The following AK8 variants were observed in gnomAD, a reference collection of about 807,000 sequenced individuals.
AK8 encodes the protein adenylate kinase 8, also known as ATP-AMP transphosphorylase 8.
Under a neutral mutation model 54.6 loss-of-function variants are expected in AK8, and 44 were observed. The ratio of observed to expected loss-of-function variants is 0.81; its 90% CI spans 0.63 to 1.04. The LOEUF (loss-of-function observed/expected upper bound fraction) is 1.04. Ranked by LOEUF, AK8 falls within the 50% of genes least tolerant of loss-of-function variation. AK8 has a pLI of 0.00. For synonymous variants in AK8, 239 were observed against 245.6 expected, an observed-to-expected ratio of 0.97 and a Z score of 0.25; for missense variants, 555 against 613.6, an observed-to-expected ratio of 0.90 and a Z score of 1.01.
intron 9 of AK8, among the ~76,000 whole-genome samples, chr9:132,817,346 A>G (rs998324919): frequency 2.0e-5 from 3 of 152,226 alleles, no homozygotes; most frequent in Non-Finnish European, 2.9e-5. Context: ...GCTCCTTGAC[A>G]TGCAAAAAAG....
rs1422934051 is a variant in AK8, at chr9:132,791,849, C to T, written c.1121+785G>A. ...GAATTGACAGCTTCCCTCATTTTTG[C>T]CACCATTTGCAAGGTATGACCAACC... is the stretch of plus-strand genomic sequence containing the variant. On this transcript the variant is annotated intron_variant, in intron 11 of 12. Transcript: ENST00000298545. The surrounding 1 kb of genome is among the most constrained non-coding windows in gnomAD (Gnocchi z 4.0). 1.3e-5 allele frequency among the ~76,000 whole-genome samples: 2 copies of T among 152,222 alleles called. No homozygotes were observed. The highest frequency in any genetic ancestry group is 2.9e-5 in the Non-Finnish European group (2 of 68,044).
At chr9:132,846,470 T>C (rs1288174777) in intron 5 of AK8, among the ~76,000 whole-genome samples, 1 of 152,198 alleles carries the variant, frequency 6.6e-6, no homozygotes, top group Non-Finnish European at 1.5e-5. Flanking sequence ...TTGGTCCCTG[T>C]GCTTAGCAAA....
rs765043828 is a variant in AK8, at chr9:132,792,693, G to A, written c.1062C>T (p.Gly354=). Residue 354 remains glycine (G), a synonymous_variant, in exon 11 of 13, where the codon GGC becomes GGT. Coordinates refer to ENST00000298545, the MANE Select transcript of AK8 (RefSeq NM_152572.3). ...DCIQKGWVLH[G]VPRDLDQAHL... ...GTGCCTGGTCGAGGTCCCGCGGGAC[G>A]CCGTGTAGCACCCAGCCTTTCTGGA... 17 of 1,556,240 alleles carry A rather than the reference G, an allele frequency of 1.1e-5. No homozygotes were observed. The highest frequency in any genetic ancestry group is 8.3e-5 in the South Asian group (7 of 84,274).
intron 10 of AK8, among the ~76,000 whole-genome samples, chr9:132,801,809 AAAG>A (rs1267586365): frequency 1.3e-5 from 2 of 152,216 alleles, no homozygotes; most frequent in African/African-American, 2.4e-5. Flanking sequence ...TCTCCCTATG[AAAG>A]AAGTAGTCAC....
rs568243045 is a variant in AK8 at position 132,777,669 on chromosome 9, G to A, written c.1121+14965C>T. On this transcript the variant is annotated intron_variant, in intron 11 of 12. Transcript: ENST00000298545. ...CCCTTTGATGGTTAAGGAGACTTGAGGCTTAGAAAGGGTAAGTAGCCGCCT... is the reference window on the plus strand; with the variant it reads ...CCCTTTGATGGTTAAGGAGACTTGAAGCTTAGAAAGGGTAAGTAGCCGCCT... Among the ~76,000 whole-genome samples the A allele has an allele frequency of 3.3e-5, 5 of 152,290 alleles. No homozygotes were observed. The East Asian group carries it at 7.7e-4, about 24-fold the overall frequency.
intron 9 of AK8, among the ~76,000 whole-genome samples, chr9:132,815,810 T>G (rs374707612): frequency 1.3e-5 from 2 of 152,252 alleles, no homozygotes; most frequent in Non-Finnish European, 2.9e-5. Context: ...TATATTTTCA[T>G]GAATTGTTCA....
At chr9:132,842,512 G>A (rs1428883798) in intron 5 of AK8, among the ~76,000 whole-genome samples, 1 of 152,148 alleles carries the variant, frequency 6.6e-6, no homozygotes, top group East Asian at 1.9e-4. Flanking sequence ...CAAGGCCAGG[G>A]GAGGCCTCCC....
intron 11 of AK8, among the ~76,000 whole-genome samples, chr9:132,743,365 G>A (rs1179029773): frequency 6.6e-6 from 1 of 152,244 alleles, no homozygotes; most frequent in African/African-American, 2.4e-5. Context: ...CAGGGCAGTG[G>A]AGACACGGGT....
chr9:132,866,383 A>G (rs568789506), intron 3 of AK8, among the ~76,000 whole-genome samples: 7 of 152,312 alleles, frequency 4.6e-5, no homozygotes, highest in Non-Finnish European at 1.0e-4. Context: ...CTTTAAAATG[A>G]GGAGAGAACA....
chr9:132,765,520 C>A (rs954087911), intron 11 of AK8, among the ~76,000 whole-genome samples: 1 of 147,028 alleles, frequency 6.8e-6, no homozygotes, highest in African/African-American at 2.5e-5. Context: ...TGGTGCACAC[C>A]TGTAGCCCCA....
chr9:132,809,431 C>T (rs1048535937), intron 10 of AK8, among the ~76,000 whole-genome samples: 2 of 152,186 alleles, frequency 1.3e-5, no homozygotes, highest in Non-Finnish European at 2.9e-5. Context: ...CACTCCACGA[C>T]AGGCCAAGTC....
rs894875004 is a variant in AK8 at position 132,733,221 on chromosome 9, TA to T, written c.1122-5688del. 3.0e-3 allele frequency among the ~76,000 whole-genome samples: 428 copies of T among 143,830 alleles called. 2 individuals are homozygous for T. The highest frequency in any genetic ancestry group is 7.3e-3 in the African/African-American group (288 of 39,342). The allele number at this position is 143,830 out of a possible 152,430, so 94.4% of individuals were successfully genotyped here. ...CAACGTGCTGCAAAATAACAGCCAC[TA>T]AAAAAAAAAAACATGCGAGATCGGG... is the stretch of plus-strand genomic sequence containing the variant. On this transcript the variant is annotated intron_variant, in intron 11 of 12. Coordinates refer to ENST00000298545, the MANE Select transcript of AK8 (RefSeq NM_152572.3).
chr9:132,857,840 C>T (rs990381563), intron 4 of AK8, among the ~76,000 whole-genome samples: 1 of 152,232 alleles, frequency 6.6e-6, no homozygotes, highest in African/African-American at 2.4e-5. Context: ...CCTGAGCGCC[C>T]CCCGCTGCTC....
At chr9:132,763,727 TGTCATTCTGA>T (rs2131062424) in intron 11 of AK8, among the ~76,000 whole-genome samples, 1 of 152,376 alleles carries the variant, frequency 6.6e-6, no homozygotes, top group Admixed American at 6.5e-5. Context: ...GCAGCGCTGG[TGTCATTCTGA>T]GCCTGTTCTG....
chr9:132,793,104 C>A (rs1840017235), intron 10 of AK8, among the ~76,000 whole-genome samples: 1 of 152,204 alleles, frequency 6.6e-6, no homozygotes, highest in Admixed American at 6.5e-5. Flanking sequence ...ATAGCAAAAT[C>A]CCGTAAACTG....
chr9:132,726,106 G>C (rs1836555074), intron 12 of AK8, among the ~76,000 whole-genome samples, 181 bp from the exon 13 acceptor site: 1 of 152,176 alleles, frequency 6.6e-6, no homozygotes, highest in African/African-American at 2.4e-5. Flanking sequence ...GAGCTACAGA[G>C]AGATCCAAGA....
rs1480287089 is a variant in AK8, at chr9:132,803,878, G to A, written c.979+10760C>T. ...TGTAATCCCAGCACTTTGGGAGGCC[G>A]AGGCTGGCGGATCACGAGGTCAAGA... On this transcript the variant is annotated intron_variant, in intron 10 of 12. Coordinates refer to ENST00000298545, the MANE Select transcript of AK8 (RefSeq NM_152572.3). The surrounding 1 kb of genome is among the most constrained non-coding windows in gnomAD (Gnocchi z 4.4). Among the ~76,000 whole-genome samples, 3 of 152,106 alleles carry A rather than the reference G, an allele frequency of 2.0e-5. No homozygotes were observed. Among genetic ancestry groups the A allele is most frequent in the Non-Finnish European group, 2.9e-5 (2 of 68,008 alleles).
At chr9:132,764,775 T>C (rs1302605713) in intron 11 of AK8, among the ~76,000 whole-genome samples, 1 of 152,178 alleles carries the variant, frequency 6.6e-6, no homozygotes, top group African/African-American at 2.4e-5. Context: ...AAAACCACAA[T>C]TCCTTTTGCA....
intron 11 of AK8, among the ~76,000 whole-genome samples, chr9:132,740,554 T>C (rs1342093003): frequency 6.6e-6 from 1 of 152,154 alleles, no homozygotes; most frequent in Non-Finnish European, 1.5e-5. Context: ...TAGACATTTC[T>C]AGGGAGGTGA....
Sources: allele counts gnomAD v4.1 joint callset (sites outside exome capture counted in the v4.1 genomes callset), GRCh38; gene constraint gnomAD v4.1.1; non-coding constraint Gnocchi (gnomAD v3.1); transcripts MANE v1.5; gene names NCBI Gene and HGNC (gene_info 2026-07-23, HGNC 2026-07-21).